The following MAGI1 variants were observed in gnomAD, a reference collection of about 807,000 sequenced individuals.
MAGI1 encodes membrane-associated guanylate kinase, WW and PDZ domain-containing protein 1.
MAGI1 carries 58 observed loss-of-function variants against 139.9 expected under a neutral mutation model. The observed-to-expected ratio is 0.41, with a 90% CI of 0.34 to 0.52. The LOEUF (loss-of-function observed/expected upper bound fraction) is 0.52, where lower values mean the gene tolerates loss of function less well. MAGI1 is among the 20% of genes least tolerant of loss of function. The probability of loss-of-function intolerance (pLI) is 0.12; values close to 1 mark genes in which losing one functional copy is unlikely to be tolerated. For missense variants in MAGI1, 1,874 were observed against 1,901.6 expected (o/e 0.99, Z 0.27); for synonymous variants, 812 against 737.9 (o/e 1.10, Z -1.63).
intron 13 of MAGI1, among the ~76,000 whole-genome samples, chr3:65,400,706 T>TG (rs1214929561): frequency 1.4e-5 from 2 of 146,956 alleles, no homozygotes; most frequent in Non-Finnish European, 3.0e-5. Context: ...AACTAGGTAA[T>TG]GCATCTTCAG....
chr3:65,756,204 A>T (rs960751020), intron 1 of MAGI1, among the ~76,000 whole-genome samples: 2 of 152,134 alleles, frequency 1.3e-5, no homozygotes, highest in South Asian at 4.1e-4. Context: ...CACTTAGTGG[A>T]TCCCTGAGAA....
At chr3:65,856,699 T>C (rs190129623) in intron 1 of MAGI1, among the ~76,000 whole-genome samples, 1 of 152,306 alleles carries the variant, frequency 6.6e-6, no homozygotes, top group Non-Finnish European at 1.5e-5. Context: ...AATGGCACTT[T>C]TTCAAGAGGT....
chr3:65,614,847 C>T (rs750561311), intron 2 of MAGI1, among the ~76,000 whole-genome samples: 26 of 151,718 alleles, frequency 1.7e-4, no homozygotes, highest in Non-Finnish European at 2.8e-4. Flanking sequence ...TGATAAAATA[C>T]ATAAGATCAA....
At chr3:65,628,059 T>C (rs9829243) in intron 1 of MAGI1, among the ~76,000 whole-genome samples, 7,587 of 152,246 alleles carry the variant, frequency 0.05, 610 homozygotes, top group African/African-American at 0.17. Flanking sequence ...CTCCCTCCCC[T>C]AATTTTTTTT....
intron 1 of MAGI1, among the ~76,000 whole-genome samples, chr3:65,665,184 A>C (rs755806658): frequency 5.3e-5 from 8 of 152,224 alleles, no homozygotes; most frequent in Non-Finnish European, 1.0e-4. Context: ...TACCAGCCTT[A>C]CAGAGAAAAT....
chr3:65,943,813 G>A (rs995950258), intron 1 of MAGI1, among the ~76,000 whole-genome samples: 1 of 152,120 alleles, frequency 6.6e-6, no homozygotes, highest in Non-Finnish European at 1.5e-5. Context: ...ATATTAAAGA[G>A]TTTCATGTTC....
rs1942846715 is a variant in MAGI1 at position 65,379,348 on chromosome 3, C to T, written c.2908G>A (p.Asp970Asn). 4 of 1,613,212 alleles carry T rather than the reference C, an allele frequency of 2.5e-6. No homozygotes were observed. Among genetic ancestry groups the T allele is most frequent in the East Asian group, 4.5e-5 (2 of 44,852 alleles). ...TTCTCCCCGCGCCGGATCTCCACGT[C>T]GTAGGGCTGCACCACGGTGCTGACC... Reference protein sequence around the residue: ...GVVSTVVQPYDVEIRRGENEG... With the variant: ...GVVSTVVQPYNVEIRRGENEG... Residue 970 changes from aspartate to asparagine, a missense_variant, in exon 17 of 23, where the codon GAC (aspartate) becomes AAC (asparagine). Physicochemically the swap from Asp to Asn is conservative, Grantham distance 23. Transcript: ENST00000402939.
At chr3:66,003,845 T>C (rs1015652205) in intron 1 of MAGI1, 5 of 152,120 alleles carry the variant, frequency 3.3e-5, no homozygotes, top group Non-Finnish European at 7.3e-5. Flanking sequence ...TGGTTTTTGG[T>C]TAGTCAAGTA....
rs558802304 is a variant in MAGI1 at position 65,905,804 on chromosome 3, G to A, written c.313+132192C>T. On this transcript the variant is annotated intron_variant, in intron 1 of 22. Coordinates refer to ENST00000402939, the MANE Select transcript of MAGI1 (RefSeq NM_001033057.2). ...TAGTCTAACAACTTAGTTGAGGACT[G>A]CACTCTACTCAAATTATACTACACA... 5.0e-4 allele frequency among the ~76,000 whole-genome samples: 76 copies of A among 152,282 alleles called. 1 individual carries two copies. The highest frequency in any genetic ancestry group is 1.7e-3 in the African/African-American group (71 of 41,570).
At chr3:65,624,435 T>C (rs949582943) in intron 1 of MAGI1, among the ~76,000 whole-genome samples, 1 of 152,158 alleles carries the variant, frequency 6.6e-6, no homozygotes, top group African/African-American at 2.4e-5. Context: ...GGGTGTTACA[T>C]AGAAATTAAA....
chr3:65,923,355 A>T (rs1426497842), intron 1 of MAGI1, among the ~76,000 whole-genome samples: 1 of 151,502 alleles, frequency 6.6e-6, no homozygotes, highest in Non-Finnish European at 1.5e-5. Flanking sequence ...TCTCCCGAGT[A>T]GCTAGGACTA....
At chr3:65,517,365 C>G (rs1222973747) in intron 2 of MAGI1, among the ~76,000 whole-genome samples, 1 of 152,280 alleles carries the variant, frequency 6.6e-6, no homozygotes, top group East Asian at 1.9e-4. Context: ...CTTCCTCCCA[C>G]CCTTGAACTA....
chr3:65,696,358 C>A (rs754922671), intron 1 of MAGI1, among the ~76,000 whole-genome samples: 1 of 152,008 alleles, frequency 6.6e-6, no homozygotes, highest in Admixed American at 6.6e-5. Flanking sequence ...TCTTCATTCA[C>A]CCTTTGTAGC....
chr3:65,966,077 G>A (rs1430416), intron 1 of MAGI1, among the ~76,000 whole-genome samples: 69,546 of 152,068 alleles, frequency 0.46, 16,937 homozygotes, highest in Admixed American at 0.6. Context: ...TTCCATGTAT[G>A]AGATAGAGTC....
At chr3:65,620,285 G>A (rs2083594527) in intron 2 of MAGI1, among the ~76,000 whole-genome samples, 1 of 152,084 alleles carries the variant, frequency 6.6e-6, no homozygotes. Flanking sequence ...GGCAGCTACA[G>A]GGCACCTATG....
At chr3:65,658,939 C>T (rs1234944965) in intron 1 of MAGI1, among the ~76,000 whole-genome samples, 1 of 152,104 alleles carries the variant, frequency 6.6e-6, no homozygotes, top group Non-Finnish European at 1.5e-5. Context: ...AACTTATATC[C>T]ACACCTTCTT....
At chr3:65,422,268 T>C (rs751408681) in intron 12 of MAGI1, among the ~76,000 whole-genome samples, 3 of 152,220 alleles carry the variant, frequency 2.0e-5, no homozygotes, top group Non-Finnish European at 2.9e-5. Flanking sequence ...CTTGACAAGA[T>C]GCTGGAGAAC....
chr3:65,562,069 C>T (rs1213205580), intron 2 of MAGI1, among the ~76,000 whole-genome samples: 2 of 151,494 alleles, frequency 1.3e-5, no homozygotes, highest in African/African-American at 4.8e-5. Flanking sequence ...CTTACTGTCC[C>T]TAATTTATAA....
At chr3:65,371,961 C>G (rs775978707) in intron 18 of MAGI1, 2 of 417,848 alleles carry the variant, frequency 4.8e-6, no homozygotes. Context: ...CTCGAAACCC[C>G]TCAAAGTCAT....
Sources: gnomAD v4.1 joint callset for allele counts (sites outside exome capture counted in the v4.1 genomes callset) on GRCh38, gnomAD v4.1.1 for gene constraint, MANE v1.5 for transcripts, NCBI Gene and HGNC (gene_info 2026-07-23, HGNC 2026-07-21) for gene names.